The following ROBO2 variants were observed in gnomAD, a reference collection of about 807,000 sequenced individuals.
ROBO2 encodes the protein roundabout homolog 2.
In ROBO2, 53 loss-of-function variants were observed where a neutral mutation model predicts 160.8. The ratio of observed to expected loss-of-function variants is 0.33; its 90% confidence interval spans 0.26 to 0.41. The LOEUF is 0.41. Ranked by LOEUF, ROBO2 falls within the 10% of genes least tolerant of loss-of-function variation. ROBO2 has a pLI of 1.00. For missense variants in ROBO2, 1,577 were observed against 1,722.4 expected (o/e 0.92, Z 1.49); for synonymous variants, 664 against 611.7 (o/e 1.09, Z -1.26).
intron 2 of ROBO2, among the ~76,000 whole-genome samples, chr3:77,346,651 C>T (rs576013278): frequency 4.1e-4 from 63 of 152,204 alleles, no homozygotes; most frequent in Non-Finnish European, 7.9e-4. Context: ...TGCTTTTTAG[C>T]TCATCCAGGT....
intron 2 of ROBO2, among the ~76,000 whole-genome samples, chr3:76,025,004 A>G (rs1216150772): frequency 6.6e-6 from 1 of 150,698 alleles, no homozygotes; most frequent in Non-Finnish European, 1.5e-5. Flanking sequence ...TATTTGGCAT[A>G]TTTAATATTC....
chr3:77,449,483 A>G (rs1033290808), intron 2 of ROBO2, among the ~76,000 whole-genome samples: 2 of 152,084 alleles, frequency 1.3e-5, no homozygotes, highest in Non-Finnish European at 1.5e-5. Context: ...CATTTTAATC[A>G]CAGAGAGGAC....
chr3:76,946,703 GT>G (rs1039810830), intron 2 of ROBO2, among the ~76,000 whole-genome samples: 2 of 152,170 alleles, frequency 1.3e-5, no homozygotes, highest in African/African-American at 4.8e-5. Flanking sequence ...CTCCGAAGAT[GT>G]TGGGATTACA....
chr3:75,980,721 T>G (rs562597577), intron 2 of ROBO2, among the ~76,000 whole-genome samples: 1 of 151,544 alleles, frequency 6.6e-6, no homozygotes, highest in Non-Finnish European at 1.5e-5. Context: ...ACTGGACACA[T>G]ATATCTCTGA....
intron 20 of ROBO2, among the ~76,000 whole-genome samples, chr3:77,607,382 A>T (rs1207330636): frequency 6.6e-6 from 1 of 152,210 alleles, no homozygotes. Context: ...CTAATGGAAA[A>T]GTTTAGCCTA....
At chr3:76,846,790 G>A (rs891479054) in intron 2 of ROBO2, among the ~76,000 whole-genome samples, 1 of 152,094 alleles carries the variant, frequency 6.6e-6, no homozygotes, top group Non-Finnish European at 1.5e-5. Context: ...CAGCAAAGCA[G>A]CCGACTAAGA....
At chr3:76,689,157 T>C (rs2092746959) in intron 2 of ROBO2, among the ~76,000 whole-genome samples, 1 of 152,118 alleles carries the variant, frequency 6.6e-6, no homozygotes, top group African/African-American at 2.4e-5. Flanking sequence ...TAGCCTCTGG[T>C]ATCTTATTGA....
In ROBO2 at chr3:77,376,122, G is replaced by A. The variant is rs2072611881; in HGVS notation, c.389-101292G>A. 3.3e-5 allele frequency among the ~76,000 whole-genome samples: 5 copies of A among 150,342 alleles called. No individual in the cohort carries two copies. The South Asian group carries it at 1.1e-3, about 32-fold the overall frequency. The stretch of plus-strand genomic sequence containing the variant: ...TACAGTTGTACTATAAAAGGCAAAG[G>A]CAAATGAACATTACAATAGGCATTT... On this transcript the variant is annotated intron_variant, in intron 2 of 25. Coordinates refer to ENST00000461745, the Ensembl canonical transcript of ROBO2.
chr3:77,242,810 T>G (rs867685859), intron 2 of ROBO2, among the ~76,000 whole-genome samples: 2 of 151,288 alleles, frequency 1.3e-5, no homozygotes, highest in African/African-American at 4.9e-5. Context: ...CCATATCTAG[T>G]AGAGTCTTCA....
At chr3:77,420,801 G>A (rs565166699) in intron 2 of ROBO2, among the ~76,000 whole-genome samples, 2 of 152,144 alleles carry the variant, frequency 1.3e-5, no homozygotes, top group South Asian at 2.1e-4. Context: ...AGACAAATTT[G>A]GAAAATGAGG....
At chr3:76,403,842 CGCCGT>C (rs2077985694) in intron 2 of ROBO2, among the ~76,000 whole-genome samples, 1 of 151,484 alleles carries the variant, frequency 6.6e-6, no homozygotes, top group African/African-American at 2.4e-5. Context: ...AAAATGTATA[CGCCGT>C]GCCATATTAT....
At chr3:76,747,310 A>C (rs1217647132) in intron 2 of ROBO2, among the ~76,000 whole-genome samples, 1 of 152,034 alleles carries the variant, frequency 6.6e-6, no homozygotes, top group Non-Finnish European at 1.5e-5. Flanking sequence ...ATTTATGACA[A>C]TTTTCTTGTA....
At chr3:77,289,344 T>A (rs1314168442) in intron 2 of ROBO2, among the ~76,000 whole-genome samples, 2 of 151,984 alleles carry the variant, frequency 1.3e-5, no homozygotes, top group African/African-American at 4.8e-5. Flanking sequence ...AAAGTAAAAT[T>A]GACGGTTAAA....
chr3:76,400,624 A>G (rs1257928323), intron 2 of ROBO2, among the ~76,000 whole-genome samples: 1 of 151,636 alleles, frequency 6.6e-6, no homozygotes, highest in Admixed American at 6.6e-5. Context: ...GTATAGCAAG[A>G]TATCAGAAGG....
intron 2 of ROBO2, among the ~76,000 whole-genome samples, chr3:76,225,330 T>C (rs1704218462): frequency 6.6e-6 from 1 of 152,220 alleles, no homozygotes; most frequent in Non-Finnish European, 1.5e-5. Flanking sequence ...GCAAAATATG[T>C]GTGTATTAAT....
At chr3:76,353,477 A>C (rs1269594573) in intron 2 of ROBO2, among the ~76,000 whole-genome samples, 1 of 151,996 alleles carries the variant, frequency 6.6e-6, no homozygotes, top group Non-Finnish European at 1.5e-5. Context: ...GTTCATGTGC[A>C]GAATTTAATG....
intron 2 of ROBO2, among the ~76,000 whole-genome samples, chr3:77,338,250 C>T (rs531504377): frequency 4.9e-4 from 74 of 152,188 alleles, no homozygotes; most frequent in African/African-American, 1.7e-3. Context: ...CACATTGAGT[C>T]TTTTCTATTT....
intron 1 of ROBO2, among the ~76,000 whole-genome samples, chr3:77,096,145 T>C (rs77966521): frequency 0.069 from 10,578 of 152,210 alleles, 1,213 homozygotes; most frequent in African/African-American, 0.24. Flanking sequence ...TGAGGTAACA[T>C]TGACAAGTAA....
At chr3:76,711,058 TTGCTATCGC>T (rs2093282899) in intron 2 of ROBO2, among the ~76,000 whole-genome samples, 2 of 152,214 alleles carry the variant, frequency 1.3e-5, no homozygotes, top group Non-Finnish European at 2.9e-5. Context: ...ATTTATATTA[TTGCTATCGC>T]TGCTTTTCCA....
Sources: allele counts gnomAD v4.1 joint callset (sites outside exome capture counted in the v4.1 genomes callset), GRCh38; gene constraint gnomAD v4.1.1; transcripts MANE v1.5; gene names NCBI Gene and HGNC (gene_info 2026-07-23, HGNC 2026-07-21).